ATP2B2: variants seen among roughly 807,000 people sequenced by gnomAD.
ATP2B2 encodes ATPase plasma membrane Ca2+ transporting 2.
ATP2B2 carries 15 observed loss-of-function variants against 120.0 expected under a neutral mutation model. The ratio of observed to expected loss-of-function variants is 0.12; its 90% CI spans 0.08 to 0.19. The LOEUF (loss-of-function observed/expected upper bound fraction) is 0.19. Ranked by LOEUF, ATP2B2 falls within the 10% of genes least tolerant of loss-of-function variation. ATP2B2 has a pLI of 1.00. For synonymous variants in ATP2B2, 694 were observed against 700.3 expected (o/e 0.99, Z 0.14); for missense variants, 1,045 against 1,719.8 (o/e 0.61, Z 6.94).
chr3:10,629,382 A>G (rs1471674357), intron 1 of ATP2B2, among the ~76,000 whole-genome samples: 1 of 152,218 alleles, frequency 6.6e-6, no homozygotes, highest in Non-Finnish European at 1.5e-5. Flanking sequence ...TATCTGGGTA[A>G]ATACATTTTA....
At chr3:10,336,054 TG>T in intron 22 of ATP2B2, 1 of 1,490,744 alleles carries the variant, frequency 6.7e-7, no homozygotes, top group East Asian at 2.5e-5. Context: ...CCATGTCCTC[TG>T]GTGCCCCAGC....
At chr3:10,493,966 T>C (rs919481229) in intron 1 of ATP2B2, among the ~76,000 whole-genome samples, 1 of 152,142 alleles carries the variant, frequency 6.6e-6, no homozygotes, top group African/African-American at 2.4e-5. Flanking sequence ...CTAACTGACC[T>C]GACAAAGGAA....
intron 3 of ATP2B2, among the ~76,000 whole-genome samples, chr3:10,405,852 C>T (rs2062393119): frequency 6.6e-6 from 1 of 152,200 alleles, no homozygotes; most frequent in African/African-American, 2.4e-5. Flanking sequence ...TAAACACCTA[C>T]TATGTGCCTA....
chr3:10,438,745 C>T (rs868436733), intron 2 of ATP2B2, among the ~76,000 whole-genome samples: 54 of 152,216 alleles, frequency 3.5e-4, no homozygotes, highest in African/African-American at 1.2e-3. Context: ...CAGAGGATCT[C>T]TCCAGCTGAA....
At chr3:10,680,192 A>G (rs2071348326) in intron 1 of ATP2B2, among the ~76,000 whole-genome samples, 1 of 152,168 alleles carries the variant, frequency 6.6e-6, no homozygotes, top group Admixed American at 6.5e-5. Context: ...TCCACCCACC[A>G]GTTTGCTCTA....
intron 1 of ATP2B2, among the ~76,000 whole-genome samples, chr3:10,622,325 A>G (rs1575567553): frequency 6.6e-6 from 1 of 151,824 alleles, no homozygotes; most frequent in African/African-American, 2.4e-5. Context: ...AAGAAAGGAG[A>G]CCCCAGCCCC....
Position 10,378,187 on chromosome 3 carries a change from G to C in ATP2B2, c.1201+65C>G, listed in dbSNP as rs73814204. 2,325 of 1,576,962 alleles carry C rather than the reference G, an allele frequency of 1.5e-3. 32 individuals are homozygous for C. The African/African-American group carries it at 0.026, about 18-fold the overall frequency. On this transcript the variant is annotated intron_variant, in intron 10 of 22. Transcript: ENST00000360273. ...GATGAGGTAACTGAGGCCGAGCATG[G>C]GGCAGGGCTCTGCCTGGGGTCCCCC...
intron 1 of ATP2B2, among the ~76,000 whole-genome samples, chr3:10,493,970 A>G (rs1395634003): frequency 6.6e-6 from 1 of 152,216 alleles, no homozygotes; most frequent in African/African-American, 2.4e-5. Context: ...CTGACCTGAC[A>G]AAGGAAAAGC....
intron 11 of ATP2B2, among the ~76,000 whole-genome samples, chr3:10,373,624 A>T (rs2061303858): frequency 6.6e-6 from 1 of 151,586 alleles, no homozygotes; most frequent in Admixed American, 6.5e-5. Context: ...AATAAGTTGG[A>T]TAATAGTGTT....
rs184943505 is a variant in ATP2B2, at chr3:10,439,967, G to A, written c.199+9378C>T. Among the ~76,000 whole-genome samples the A allele has an allele frequency of 2.7e-3, 417 of 152,088 alleles. 1 individual carries two copies. Among genetic ancestry groups the A allele is most frequent in the Non-Finnish European group, 4.5e-3 (309 of 67,982 alleles). On this transcript the variant is annotated intron_variant, in intron 2 of 22. Coordinates refer to ENST00000360273, the MANE Select transcript of ATP2B2 (RefSeq NM_001001331.4). ...CAAAAAAAAAAATTACCTGGGCATG[G>A]TGGCACATGCCTGTAGTCCCAGCTA...
chr3:10,325,935 CA>C lies in ATP2B2; in HGVS notation c.*2878del, dbSNP rs2125309363. ...CAGTCCCAAAGTAGAAAAAAGTATA[CA>C]TTACAGATATATTTACTATGTTCTG... is the stretch of plus-strand genomic sequence containing the variant. On this transcript the variant is annotated 3_prime_UTR_variant, in exon 23 of 23. Coordinates refer to ENST00000360273, the MANE Select transcript of ATP2B2 (RefSeq NM_001001331.4). 1 of 152,238 alleles carries C rather than the reference CA, an allele frequency of 6.6e-6. No homozygotes were observed. The highest frequency in any genetic ancestry group is 1.9e-4 in the East Asian group (1 of 5,188). The allele number at this position is 152,238 out of a possible 1,614,324, so 9.4% of individuals were successfully genotyped here.
intron 2 of ATP2B2, among the ~76,000 whole-genome samples, chr3:10,415,669 A>G (rs142345529): frequency 1.3e-4 from 20 of 152,258 alleles, no homozygotes; most frequent in African/African-American, 4.1e-4. Flanking sequence ...TATTTTTGGG[A>G]GCAGAAACAA....
At chr3:10,477,545 A>G (rs1314950013) in intron 1 of ATP2B2, among the ~76,000 whole-genome samples, 1 of 151,308 alleles carries the variant, frequency 6.6e-6, no homozygotes, top group East Asian at 1.9e-4. Context: ...TCCAACACCA[A>G]CTCCCTTTTC....
chr3:10,378,112 T>C, intron 10 of ATP2B2, 140 bp downstream of exon 10: 4 of 1,163,956 alleles, frequency 3.4e-6, no homozygotes, highest in Non-Finnish European at 3.5e-6. Context: ...CTGGGTGCTG[T>C]GGTAGAGAAA....
At chr3:10,373,965 T>C (rs2125514106) in intron 11 of ATP2B2, among the ~76,000 whole-genome samples, 1 of 152,278 alleles carries the variant, frequency 6.6e-6, no homozygotes, top group Middle Eastern at 3.4e-3. Context: ...CTCTGTGCTC[T>C]TGATGGTGGC....
chr3:10,563,981 T>C (rs778383816), intron 2 of ATP2B2, among the ~76,000 whole-genome samples: 2 of 152,250 alleles, frequency 1.3e-5, no homozygotes, highest in Non-Finnish European at 2.9e-5. Context: ...TTCCACCTTG[T>C]AACTACAGCA....
chr3:10,509,371 G>GC (rs2066714138), upstream of ATP2B2, among the ~76,000 whole-genome samples: 1 of 152,156 alleles, frequency 6.6e-6, no homozygotes, highest in Admixed American at 6.5e-5. Context: ...GGTCACTGCT[G>GC]CCCCAAAGAG....
At chr3:10,489,887 GCC>G (rs2065869051) in intron 1 of ATP2B2, among the ~76,000 whole-genome samples, 1 of 152,240 alleles carries the variant, frequency 6.6e-6, no homozygotes, top group Admixed American at 6.5e-5. Flanking sequence ...TTAGCCTGCA[GCC>G]CTGGGCTTAG....
upstream of ATP2B2, among the ~76,000 whole-genome samples, chr3:10,506,039 C>A (rs955640841): frequency 3.9e-5 from 6 of 151,910 alleles, no homozygotes; most frequent in African/African-American, 4.8e-5. Flanking sequence ...GGCCCCAAGT[C>A]GTCCCTTGCT....
Sources: allele counts gnomAD v4.1 joint callset (sites outside exome capture counted in the v4.1 genomes callset), GRCh38; gene constraint gnomAD v4.1.1; transcripts MANE v1.5; gene names NCBI Gene and HGNC (gene_info 2026-07-23, HGNC 2026-07-21).